The following NOTCH4 variants were observed in gnomAD, a reference collection of about 807,000 sequenced individuals.
The protein encoded by NOTCH4 is neurogenic locus notch homolog protein 4.
NOTCH4 carries 138 observed loss-of-function variants against 189.0 expected under a neutral mutation model. The observed-to-expected ratio is 0.73, with a 90% confidence interval of 0.64 to 0.84. The LOEUF is 0.84. NOTCH4 is among the 40% of genes least tolerant of loss of function. NOTCH4 has a pLI of 0.00. For synonymous variants in NOTCH4, 942 were observed against 1,032.8 expected (o/e 0.91, Z 1.69); for missense variants, 2,286 against 2,605.4 (o/e 0.88, Z 2.67).
Position 32,198,466 on chromosome 6 carries a change from G to A in NOTCH4, c.4711C>T (p.Gln1571Ter), listed in dbSNP as rs1788100882. ...LPQAAMLTPP[Q>*]ESEMEAPDLD... ...TCAGGGGCTTCCATCTCAGATTCCT[G>A]GGGAGGAGTTAGCATGGCTGCCTGA... is the stretch of plus-strand genomic sequence containing the variant. Residue 1571 changes from glutamine to a stop codon, truncating the protein, a stop_gained, in exon 26 of 30, where the codon CAG becomes TAG. Transcript: ENST00000375023. LOFTEE classifies it high-confidence loss of function. This position sits in a 1 kb window ranked among gnomAD's most constrained non-coding sequence, Gnocchi z 5.5. The A allele has an allele frequency of 6.2e-7, 1 of 1,612,736 alleles. No individual in the cohort carries two copies. Among genetic ancestry groups the A allele is most frequent in the Non-Finnish European group, 8.5e-7 (1 of 1,180,010 alleles).
Position 32,221,388 on chromosome 6 carries a change from AC to A in NOTCH4, c.452-64del. ...TACGAATTCTAGCCCATCTGAGGTT[AC>A]CCAGTGCTCACTCTGGATTATCTCT... is the stretch of plus-strand genomic sequence containing the variant. On this transcript the variant is annotated intron_variant, in intron 3 of 29. Transcript: ENST00000375023. This position sits in a 1 kb window ranked among gnomAD's most constrained non-coding sequence, Gnocchi z 4.3. 8.1e-7 allele frequency: 1 copy of A among 1,229,242 alleles called. No individual in the cohort carries two copies. The highest frequency in any genetic ancestry group is 1.2e-6 in the Non-Finnish European group (1 of 862,870). 76.1% of individuals were successfully genotyped at this position (1,229,242 alleles called of 1,614,324 possible).
intron 20 of NOTCH4, 145 bp downstream of exon 20, chr6:32,203,625 C>T: frequency 3.2e-6 from 2 of 627,332 alleles, no homozygotes; most frequent in Admixed American, 3.4e-5. Flanking sequence ...TTCTGAGAGA[C>T]ACTTCCCACT....
Position 32,200,489 on chromosome 6 carries a change from A to C in NOTCH4, c.4315+342T>G, listed in dbSNP as rs1788269058. Among the ~76,000 whole-genome samples the C allele has an allele frequency of 6.6e-6, 1 of 152,226 alleles. No individual in the cohort carries two copies. On this transcript the variant is annotated intron_variant, in intron 23 of 29. Coordinates refer to ENST00000375023, the MANE Select transcript of NOTCH4 (RefSeq NM_004557.4). The surrounding 1 kb of genome is among the most constrained non-coding windows in gnomAD (Gnocchi z 5.0). ...CTCCCAACGTGCTGGGATTATAGGC[A>C]TGAGCCACTGCGCCCAGCCTATTAT...
At chr6:32,205,367 G>A (rs995385968) in intron 18 of NOTCH4, among the ~76,000 whole-genome samples, 7 of 151,710 alleles carry the variant, frequency 4.6e-5, no homozygotes, top group Admixed American at 1.3e-4. Flanking sequence ...GGCCAATATG[G>A]TGAAACTCCA....
chr6:32,202,729 C>A lies in NOTCH4; in HGVS notation c.3232-130G>T. Reference sequence around the variant, plus strand: ...CATATCTAAAAGGCGCCTCAGAGAGCATCAAGTTAATCATTTTGTGGATGT... The same window carrying A: ...CATATCTAAAAGGCGCCTCAGAGAGAATCAAGTTAATCATTTTGTGGATGT... On this transcript the variant is annotated intron_variant, in intron 20 of 29. Transcript: ENST00000375023. This position sits in a 1 kb window ranked among gnomAD's most constrained non-coding sequence, Gnocchi z 5.7. 1.3e-6 allele frequency: 1 copy of A among 757,186 alleles called. No individual in the cohort carries two copies. The highest frequency in any genetic ancestry group is 2.0e-6 in the Non-Finnish European group (1 of 490,732). The allele number at this position is 757,186 out of a possible 1,614,324, so 46.9% of individuals were successfully genotyped here.
At chr6:32,220,919 G>A (rs1361338022) in intron 4 of NOTCH4, 41 bp from the exon 5 acceptor site, 13 of 1,605,586 alleles carry the variant, frequency 8.1e-6, no homozygotes, top group Non-Finnish European at 1.1e-5. Context: ...AGGCTCCAAC[G>A]GAGACATCCT....
At chr6:32,220,699 G>A in intron 5 of NOTCH4, 57 bp downstream of exon 5, 1 of 1,612,714 alleles carries the variant, frequency 6.2e-7, no homozygotes, top group Non-Finnish European at 8.5e-7. Flanking sequence ...GAGTAGGGGA[G>A]GCCAGGGGCC....
Position 32,212,341 on chromosome 6 carries a change from G to T in NOTCH4, c.2680+133C>A. On this transcript the variant is annotated intron_variant, in intron 17 of 29. Transcript: ENST00000375023. The surrounding 1 kb of genome is among the most constrained non-coding windows in gnomAD (Gnocchi z 4.4). ...TTCAACACCTCTGCAATCAAGAACT[G>T]ATTTGTCTGTGTGGTTTTGATTCTC... The T allele has an allele frequency of 1.2e-6, 1 of 802,926 alleles. No homozygotes were observed. The highest frequency in any genetic ancestry group is 2.5e-5 in the East Asian group (1 of 39,626). 49.7% of individuals were successfully genotyped at this position (802,926 alleles called of 1,614,324 possible).
chr6:32,223,577 A>G (rs952252048), intron 1 of NOTCH4, among the ~76,000 whole-genome samples: 2 of 151,278 alleles, frequency 1.3e-5, no homozygotes, highest in African/African-American at 4.9e-5. Flanking sequence ...CCTCTTCCCT[A>G]TGGCTGCAAG....
In NOTCH4 at chr6:32,195,543, G is replaced by A. The variant is rs1787815934; in HGVS notation, c.5906C>T (p.Pro1969Leu). 4 of 1,613,122 alleles carry A rather than the reference G, an allele frequency of 2.5e-6. No individual in the cohort carries two copies. The highest frequency in any genetic ancestry group is 3.4e-6 in the Non-Finnish European group (4 of 1,180,024). Residue 1969 changes from proline to leucine, a missense_variant, in exon 30 of 30, where the codon CCT (proline) becomes CTT (leucine). Pro to Leu is a moderately conservative substitution (Grantham distance 98). Coordinates refer to ENST00000375023, the MANE Select transcript of NOTCH4 (RefSeq NM_004557.4). This position sits in a 1 kb window ranked among gnomAD's most constrained non-coding sequence, Gnocchi z 5.4. ...CGSASNIPIP[P>L]PCLTPSPERG... ...CTCCGGGGACGGAGTAAGGCAAGGA[G>A]GCGGGATCGGAATGTTGGAGGCAGA...
rs1789070513 is a variant in NOTCH4, at chr6:32,212,305, T to C, written c.2680+169A>G. Among the ~76,000 whole-genome samples, 1 of 152,214 alleles carries C rather than the reference T, an allele frequency of 6.6e-6. No individual in the cohort carries two copies. The highest frequency in any genetic ancestry group is 1.5e-5 in the Non-Finnish European group (1 of 68,042). On this transcript the variant is annotated intron_variant, in intron 17 of 29. Transcript: ENST00000375023. The surrounding 1 kb of genome is among the most constrained non-coding windows in gnomAD (Gnocchi z 4.4). ...TAACAGGAATTGTGTTAGGCTTCTC[T>C]GATTGCACAATTCAACACCTCTGCA... is the stretch of plus-strand genomic sequence containing the variant.
In NOTCH4 at chr6:32,202,155, C is replaced by T. The variant is rs866566178; in HGVS notation, c.3676G>A (p.Asp1226Asn). 4 of 1,520,416 alleles carry T rather than the reference C, an allele frequency of 2.6e-6. No individual in the cohort carries two copies. Among genetic ancestry groups the T allele is most frequent in the Non-Finnish European group, 3.5e-6 (4 of 1,134,686 alleles). The allele number at this position is 1,520,416 out of a possible 1,614,324, so 94.2% of individuals were successfully genotyped here. Reference protein sequence around the residue: ...SHSRCWLLFRDGQCHPQCDSE... With the variant: ...SHSRCWLLFRNGQCHPQCDSE... ...TCACACTGTGGGTGGCACTGCCCGT[C>T]CCGGAAGAGAAGCCAGCACCGAGAG... The change falls in exon 21 of 30, where the codon GAC (aspartate) becomes AAC (asparagine). Residue 1226 changes from aspartate (D) to asparagine (N), a missense_variant. This residue lies in a region of NOTCH4 where 1,903 missense variants were observed against 2,261.9 expected (regional missense o/e 0.84). Coordinates refer to ENST00000375023, the MANE Select transcript of NOTCH4 (RefSeq NM_004557.4). This position sits in a 1 kb window ranked among gnomAD's most constrained non-coding sequence, Gnocchi z 5.7.
In NOTCH4 at chr6:32,202,146, A is replaced by ACTGC; in HGVS notation, c.3681_3684dup (p.Cys1229AlafsTer7). 6.6e-7 allele frequency: 1 copy of ACTGC among 1,516,928 alleles called. No individual in the cohort carries two copies. Among genetic ancestry groups the ACTGC allele is most frequent in the East Asian group, 2.3e-5 (1 of 43,964 alleles). 94.0% of individuals were successfully genotyped at this position (1,516,928 alleles called of 1,614,324 possible). A position where few individuals can be genotyped will look rare whatever the true frequency, so the allele number is the denominator to read the frequency against. On this transcript the variant is annotated frameshift_variant, in exon 21 of 30. Coordinates refer to ENST00000375023, the MANE Select transcript of NOTCH4 (RefSeq NM_004557.4). LOFTEE classifies it high-confidence loss of function. The surrounding 1 kb of genome is among the most constrained non-coding windows in gnomAD (Gnocchi z 5.7). ...TCTTCAGAGTCACACTGTGGGTGGC[A>ACTGC]CTGCCCGTCCCGGAAGAGAAGCCAG...
At chr6:32,211,204 G>A (rs1788993819) in intron 17 of NOTCH4, among the ~76,000 whole-genome samples, 1 of 151,940 alleles carries the variant, frequency 6.6e-6, no homozygotes, top group African/African-American at 2.4e-5. Context: ...AGGTTGTAGT[G>A]AGCCAAAATC....
At position 32,212,268 on chromosome 6, in the gene NOTCH4, C is replaced by T. The variant is rs148742787; in HGVS notation, c.2680+206G>A. ...GGGCTGGTTGGTGTTGCTTGAATTG[C>T]GTTAAATGAGGTAACAGGAATTGTG... On this transcript the variant is annotated intron_variant, in intron 17 of 29. Coordinates refer to ENST00000375023, the MANE Select transcript of NOTCH4 (RefSeq NM_004557.4). This position sits in a 1 kb window ranked among gnomAD's most constrained non-coding sequence, Gnocchi z 4.4. 3.9e-5 allele frequency among the ~76,000 whole-genome samples: 6 copies of T among 152,160 alleles called. No homozygotes were observed. Among genetic ancestry groups the T allele is most frequent in the African/African-American group, 1.2e-4 (5 of 41,500 alleles).
At position 32,220,886 on chromosome 6, in the gene NOTCH4, G is replaced by A. The variant is rs763132104; in HGVS notation, c.800-8C>T. 13 of 1,612,532 alleles carry A rather than the reference G, an allele frequency of 8.1e-6. No homozygotes were observed. The African/African-American group carries it at 9.3e-5, about 12-fold the overall frequency. ...AGTCTGGGCCTATGAAACCTGACAG[G>A]GTCATGGATCAGCTGTGGGAGGAGG... On this transcript the variant is annotated splice_region_variant and splice_polypyrimidine_tract_variant and intron_variant, in intron 4 of 29. Coordinates refer to ENST00000375023, the MANE Select transcript of NOTCH4 (RefSeq NM_004557.4).
chr6:32,215,823 C>T lies in NOTCH4; in HGVS notation c.1862-438G>A, dbSNP rs539056971. ...TTCCTCCTTTCCTTCCTTTCCTTCC[C>T]TTCTCTCCTTCCTTCCTTCTTTCCT... On this transcript the variant is annotated intron_variant, in intron 11 of 29. Transcript: ENST00000375023. 353 of 102,072 alleles carry T rather than the reference C, an allele frequency of 3.5e-3. 14 individuals carry two copies. The East Asian group carries it at 0.13, about 38-fold the overall frequency. 6.3% of individuals were successfully genotyped at this position (102,072 alleles called of 1,614,324 possible).
rs1788211882 is a variant in NOTCH4, at chr6:32,199,647, T to C, written c.4316-502A>G. Reference sequence around the variant, plus strand: ...TGAACTTGGGAGGTGGAGCTTGCAGTGAGCCGAGATCGCGCCACTGCACTC... The same window carrying C: ...TGAACTTGGGAGGTGGAGCTTGCAGCGAGCCGAGATCGCGCCACTGCACTC... On this transcript the variant is annotated intron_variant, in intron 23 of 29. Transcript: ENST00000375023. The surrounding 1 kb of genome is among the most constrained non-coding windows in gnomAD (Gnocchi z 4.9). Among the ~76,000 whole-genome samples the C allele has an allele frequency of 1.3e-5, 2 of 152,108 alleles. No homozygotes were observed. The highest frequency in any genetic ancestry group is 2.9e-5 in the Non-Finnish European group (2 of 68,026).
chr6:32,207,847 C>CA (rs1459713699), intron 18 of NOTCH4, among the ~76,000 whole-genome samples: 2 of 151,198 alleles, frequency 1.3e-5, no homozygotes, highest in Admixed American at 6.6e-5. Context: ...ACTAAAAATA[C>CA]AAAAAAATAG....
Sources: gnomAD v4.1 joint callset for allele counts (sites outside exome capture counted in the v4.1 genomes callset) on GRCh38, gnomAD v4.1.1 for gene constraint, gnomAD v4.1.1 regional missense constraint, Gnocchi (gnomAD v3.1) non-coding constraint, MANE v1.5 for transcripts, NCBI Gene and HGNC (gene_info 2026-07-23, HGNC 2026-07-21) for gene names.